Variants in MGAT5 observed in about 807,000 individuals in gnomAD.
MGAT5 encodes alpha-1,6-mannosylglycoprotein 6-beta-N-acetylglucosaminyltransferase, also known as alpha-1,6-mannosylglycoprotein 6-beta-N-acetylglucosaminyltransferase A.
Under a neutral mutation model 94.3 loss-of-function variants are expected in MGAT5, and 30 were observed. The observed-to-expected ratio is 0.32, with a 90% CI of 0.24 to 0.43. The LOEUF is 0.43. MGAT5 is among the 20% of genes least tolerant of loss of function. MGAT5 has a pLI of 1.00. For synonymous variants in MGAT5, 310 were observed against 322.9 expected (o/e 0.96, Z 0.43); for missense variants, 691 against 905.5 (o/e 0.76, Z 3.04).
At chr2:134,276,577 A>G (rs1205448545) in intron 2 of MGAT5, among the ~76,000 whole-genome samples, 1 of 152,246 alleles carries the variant, frequency 6.6e-6, no homozygotes. Context: ...ACTTGGAGCA[A>G]TATTGAAGAA....
At chr2:134,151,837 C>CTGAT (rs1687204476) in intron 1 of MGAT5, among the ~76,000 whole-genome samples, 1 of 137,154 alleles carries the variant, frequency 7.3e-6, no homozygotes, top group Admixed American at 7.2e-5. Context: ...ACCTCACTCA[C>CTGAT]GCCCTATGGG....
At chr2:134,122,883 G>A (rs1006345725) in intron 1 of MGAT5, among the ~76,000 whole-genome samples, 2 of 152,254 alleles carry the variant, frequency 1.3e-5, no homozygotes, top group East Asian at 1.9e-4. Flanking sequence ...GGTGGCAACC[G>A]TATGCTCCAA....
intron 10 of MGAT5, among the ~76,000 whole-genome samples, chr2:134,362,738 C>T (rs1238420535): frequency 6.6e-5 from 10 of 152,344 alleles, no homozygotes; most frequent in Admixed American, 3.9e-4. Context: ...GAGCAAGATA[C>T]TGCACAGGGA....
intron 1 of MGAT5, among the ~76,000 whole-genome samples, chr2:134,191,413 C>T (rs1280464938): frequency 6.6e-6 from 1 of 152,190 alleles, no homozygotes; most frequent in Admixed American, 6.5e-5. Flanking sequence ...TGGGTTATCG[C>T]GGGAGCGCGT....
chr2:134,177,228 G>A (rs1272224413), intron 1 of MGAT5, among the ~76,000 whole-genome samples: 1 of 148,162 alleles, frequency 6.7e-6, no homozygotes, highest in African/African-American at 2.5e-5. Context: ...GTTTTAGGTT[G>A]ATAAACAGTT....
intron 1 of MGAT5, among the ~76,000 whole-genome samples, chr2:134,171,294 G>GT (rs1199546463): frequency 2.6e-5 from 4 of 152,144 alleles, no homozygotes; most frequent in East Asian, 3.9e-4. Flanking sequence ...AAACTCCTGA[G>GT]TTTTTTTTGT....
chr2:134,426,218 CTTCCTTCCTTCA>C (rs1684580709), intron 13 of MGAT5, among the ~76,000 whole-genome samples: 1 of 152,118 alleles, frequency 6.6e-6, no homozygotes, highest in Non-Finnish European at 1.5e-5. Flanking sequence ...TCCTTCCTTC[CTTCCTTCCTTCA>C]TTCCTTCCGT....
intron 9 of MGAT5, among the ~76,000 whole-genome samples, chr2:134,360,008 G>T (rs1271330863): frequency 6.6e-6 from 1 of 152,160 alleles, no homozygotes; most frequent in Non-Finnish European, 1.5e-5. Flanking sequence ...GGAGGCGAAG[G>T]CATGTAGAGG....
At chr2:134,404,791 A>G (rs1481550103) in intron 11 of MGAT5, among the ~76,000 whole-genome samples, 3 of 152,258 alleles carry the variant, frequency 2.0e-5, no homozygotes, top group Non-Finnish European at 4.4e-5. Context: ...GGTCATCTGT[A>G]GTCTGATGAC....
intron 1 of MGAT5, among the ~76,000 whole-genome samples, chr2:134,258,889 C>T (rs1306229960): frequency 1.3e-5 from 2 of 152,188 alleles, no homozygotes; most frequent in Admixed American, 1.3e-4. Context: ...GACTGTGAGA[C>T]ATGAGCAAAG....
At chr2:134,349,676 TGTCTG>T in intron 8 of MGAT5, 124 bp from the exon 9 acceptor site, 1 of 1,005,550 alleles carries the variant, frequency 9.9e-7, no homozygotes, top group Non-Finnish European at 1.4e-6. Context: ...TCACAATTCT[TGTCTG>T]GTCCTGCTTC....
chr2:134,165,378 C>G (rs934634874), intron 1 of MGAT5, among the ~76,000 whole-genome samples: 2 of 152,108 alleles, frequency 1.3e-5, no homozygotes, highest in Admixed American at 1.3e-4. Context: ...GAGGTTGTTT[C>G]ATGTTGGAAT....
At chr2:134,144,429 C>G (rs1050569336) in intron 1 of MGAT5, among the ~76,000 whole-genome samples, 4 of 152,124 alleles carry the variant, frequency 2.6e-5, no homozygotes, top group African/African-American at 9.7e-5. Context: ...AGAATAGCAC[C>G]TAGGGGATGG....
chr2:134,302,716 C>CTGTGTGTGTG (rs3034344), intron 2 of MGAT5, among the ~76,000 whole-genome samples: 169 of 133,696 alleles, frequency 1.3e-3, no homozygotes, highest in Admixed American at 8.4e-3. Context: ...TTAAGAAATG[C>CTGTGTGTGTG]TGTGTGTGTG....
At chr2:134,199,758 A>G (rs190165931) in intron 1 of MGAT5, among the ~76,000 whole-genome samples, 6 of 151,996 alleles carry the variant, frequency 3.9e-5, no homozygotes, top group African/African-American at 7.2e-5. Context: ...TGAACCTTCA[A>G]CTGTGGGAAG....
intron 1 of MGAT5, among the ~76,000 whole-genome samples, chr2:134,236,616 C>T (rs1467777918): frequency 6.6e-6 from 1 of 152,152 alleles, no homozygotes; most frequent in East Asian, 1.9e-4. Flanking sequence ...TCCCTGAGGC[C>T]TTGGCAGCCA....
intron 1 of MGAT5, among the ~76,000 whole-genome samples, chr2:134,152,487 T>C (rs915820314): frequency 1.3e-5 from 2 of 152,170 alleles, no homozygotes; most frequent in African/African-American, 4.8e-5. Context: ...ACTCATCCCC[T>C]GTGGGACCCA....
chr2:134,323,526 T>C (rs965700034), intron 4 of MGAT5, among the ~76,000 whole-genome samples: 1 of 152,118 alleles, frequency 6.6e-6, no homozygotes. Context: ...AAGTCATAGA[T>C]AGCTCAGAGA....
intron 15 of MGAT5, among the ~76,000 whole-genome samples, chr2:134,443,202 GTTT>G (rs869162512): frequency 3.4e-4 from 44 of 128,222 alleles, no homozygotes; most frequent in South Asian, 7.9e-4. Context: ...TGTTGTTGTT[GTTT>G]TTGAGACAGG....
Sources: gnomAD v4.1 joint callset for allele counts (sites outside exome capture counted in the v4.1 genomes callset) on GRCh38, gnomAD v4.1.1 for gene constraint, MANE v1.5 for transcripts, NCBI Gene and HGNC (gene_info 2026-07-23, HGNC 2026-07-21) for gene names.